ANKRD11: variants seen among roughly 807,000 people sequenced by gnomAD.
ANKRD11 encodes ankyrin repeat domain-containing protein 11.
A neutral mutation model predicts 195.7 loss-of-function variants in ANKRD11; 17 were observed. The ratio of observed to expected loss-of-function variants is 0.09; its 90% CI spans 0.06 to 0.13. The LOEUF is 0.13. ANKRD11 is among the 10% of genes least tolerant of loss of function. The pLI, the probability that ANKRD11 is intolerant of heterozygous loss-of-function variation, is 1.00. For synonymous variants in ANKRD11, 1,953 were observed against 1,528.1 expected (o/e 1.28, Z -6.49); for missense variants, 3,735 against 3,566.1 (o/e 1.05, Z -1.21).
intron 4 of ANKRD11, among the ~76,000 whole-genome samples, chr16:89,295,985 C>CTTGTTTTT (rs2035405870): frequency 2.2e-5 from 1 of 45,142 alleles, no homozygotes; most frequent in African/African-American, 1.1e-4. Context: ...ATCTGGCTGC[C>CTTGTTTTT]TTTTTTTTTT....
chr16:89,314,454 G>A (rs1303766715), intron 3 of ANKRD11, among the ~76,000 whole-genome samples: 2 of 152,140 alleles, frequency 1.3e-5, no homozygotes, highest in African/African-American at 4.8e-5. Flanking sequence ...AAGCAGCTGA[G>A]CGCACACATC....
intron 1 of ANKRD11, chr16:89,458,815 C>G (rs534676963): frequency 1.3e-5 from 2 of 152,340 alleles, no homozygotes; most frequent in Non-Finnish European, 2.9e-5. Flanking sequence ...CCTCAGCTTC[C>G]TGCTGCTGAC....
intron 3 of ANKRD11, among the ~76,000 whole-genome samples, chr16:89,315,127 C>T (rs994855975): frequency 6.6e-6 from 1 of 152,218 alleles, no homozygotes; most frequent in African/African-American, 2.4e-5. Flanking sequence ...CCACACCATA[C>T]ACGACCTCTT....
chr16:89,344,209 G>A (rs1264116047), intron 2 of ANKRD11, among the ~76,000 whole-genome samples: 3 of 152,160 alleles, frequency 2.0e-5, no homozygotes, highest in Non-Finnish European at 4.4e-5. Context: ...TCATCACTAG[G>A]GCTTAACGAT....
chr16:89,433,382 G>A (rs2043081021), intron 1 of ANKRD11, among the ~76,000 whole-genome samples: 2 of 152,222 alleles, frequency 1.3e-5, no homozygotes, highest in African/African-American at 4.8e-5. Flanking sequence ...TCCACTTCCT[G>A]ACAGCACAGG....
intron 1 of ANKRD11, among the ~76,000 whole-genome samples, chr16:89,442,235 G>T (rs1452010644): frequency 6.6e-6 from 1 of 152,202 alleles, no homozygotes; most frequent in African/African-American, 2.4e-5. Context: ...TGGAGAACAT[G>T]CCAGGTCATG....
At chr16:89,411,348 C>T (rs929242665) in intron 2 of ANKRD11, among the ~76,000 whole-genome samples, 8 of 152,214 alleles carry the variant, frequency 5.3e-5, no homozygotes, top group Non-Finnish European at 7.3e-5. Flanking sequence ...CTTGACTGCA[C>T]CGGAAGAGGA....
intron 1 of ANKRD11, among the ~76,000 whole-genome samples, chr16:89,475,914 T>C (rs1342563589): frequency 6.6e-6 from 1 of 151,882 alleles, no homozygotes; most frequent in Non-Finnish European, 1.5e-5. Flanking sequence ...TAACCAGGCG[T>C]GGTGGTGGGC....
intron 12 of ANKRD11, 116 bp from the exon 13 acceptor site, chr16:89,268,779 G>A: frequency 8.1e-7 from 1 of 1,231,786 alleles, no homozygotes; most frequent in Non-Finnish European, 1.1e-6. Flanking sequence ...ACCTACCCTG[G>A]TATGGGCCAG....
chr16:89,311,961 G>A (rs987466254), intron 3 of ANKRD11, among the ~76,000 whole-genome samples: 8 of 152,230 alleles, frequency 5.3e-5, no homozygotes, highest in Admixed American at 6.5e-5. Context: ...GCGGTGATGC[G>A]ATCTCAGCTC....
chr16:89,445,528 G>A (rs977752813), intron 1 of ANKRD11, among the ~76,000 whole-genome samples: 25 of 152,098 alleles, frequency 1.6e-4, no homozygotes, highest in African/African-American at 6.0e-4. Context: ...AGGATGATCC[G>A]TCCTCCAAAT....
At chr16:89,391,466 C>T (rs866161003) in intron 2 of ANKRD11, among the ~76,000 whole-genome samples, 1 of 152,210 alleles carries the variant, frequency 6.6e-6, no homozygotes, top group Non-Finnish European at 1.5e-5. Flanking sequence ...ACAGAACTGA[C>T]TGCCTCCCTG....
At position 89,290,791 on chromosome 16, in the gene ANKRD11, C is replaced by T; in HGVS notation, c.435G>A (p.Val145=). The change falls in exon 6 of 13, where the codon GTG becomes GTA. Residue 145 remains valine (V), a synonymous_variant. Transcript: ENST00000301030. ...CAGAGTTGGGCGTTCCCTTCTGACA[C>T]ACTGTAGACTGGGAGGGGTGCTTTG... ...TTPKHPSQST[V]CQKGTPNSAS... is the part of the protein sequence containing the mutation. 3 of 1,614,056 alleles carry T rather than the reference C, an allele frequency of 1.9e-6. No individual in the cohort carries two copies. Among genetic ancestry groups the T allele is most frequent in the South Asian group, 2.2e-5 (2 of 91,084 alleles).
chr16:89,406,385 A>G (rs564819252), intron 2 of ANKRD11, among the ~76,000 whole-genome samples: 3 of 152,316 alleles, frequency 2.0e-5, no homozygotes, highest in Non-Finnish European at 2.9e-5. Context: ...TGAGGGCGAC[A>G]AAACACCAGC....
intron 2 of ANKRD11, chr16:89,323,077 C>T (rs2037434432): frequency 9.7e-6 from 3 of 308,298 alleles, no homozygotes; most frequent in Admixed American, 4.4e-5. Context: ...GGATGCTTTA[C>T]GGCAACCCCT....
Position 89,490,370 on chromosome 16 carries a change from CG to C in ANKRD11, c.-271del, listed in dbSNP as rs2057789573. 2 of 161,896 alleles carry C rather than the reference CG, an allele frequency of 1.2e-5. No homozygotes were observed. The highest frequency in any genetic ancestry group is 4.9e-5 in the African/African-American group (2 of 41,120). 10.0% of individuals were successfully genotyped at this position (161,896 alleles called of 1,614,324 possible). A position where few individuals can be genotyped will look rare whatever the true frequency, so the allele number is the denominator to read the frequency against. On this transcript the variant is annotated 5_prime_UTR_variant, in exon 1 of 13. Transcript: ENST00000301030. The stretch of plus-strand genomic sequence containing the variant: ...CGGCAAGGCGGCGGCGGCGGCGGCG[CG>C]GGCTCGGGCCCGGCAGAGCTGCGAG...
At chr16:89,370,528 G>C (rs568117102) in intron 2 of ANKRD11, 2 of 152,544 alleles carry the variant, frequency 1.3e-5, no homozygotes, top group Non-Finnish European at 2.9e-5. Context: ...CCAGAGGCTG[G>C]AGCACACCTC....
rs548197959 is a variant in ANKRD11 at position 89,404,272 on chromosome 16, C to G, written c.-60+14012G>C. Among the ~76,000 whole-genome samples, 9 of 152,208 alleles carry G rather than the reference C, an allele frequency of 5.9e-5. No homozygotes were observed. In the South Asian group the frequency reaches 1.2e-3, roughly 21 times the overall value. ...AGTCTCCTATCCACCCTCACCAAGG[C>G]ACTAAATCACCAGCAAAGACTCTGA... is the stretch of plus-strand genomic sequence containing the variant. On this transcript the variant is annotated intron_variant, in intron 2 of 12. Transcript: ENST00000301030.
At position 89,432,236 on chromosome 16, in the gene ANKRD11, TACACACACAC is replaced by T. The variant is rs59807718; in HGVS notation, c.-144-13878_-144-13869del. On this transcript the variant is annotated intron_variant, in intron 1 of 12. Transcript: ENST00000301030. The stretch of plus-strand genomic sequence containing the variant: ...ATTCATGTTGTACATCGTGATGCAG[TACACACACAC>T]ACACACACACACACACACACACACA... Among the ~76,000 whole-genome samples, 748 of 142,938 alleles carry T rather than the reference TACACACACAC, an allele frequency of 5.2e-3. 4 individuals are homozygous for T. Among genetic ancestry groups the T allele is most frequent in the African/African-American group, 0.016 (598 of 38,292 alleles). The allele number at this position is 142,938 out of a possible 152,430, so 93.8% of individuals were successfully genotyped here.
Sources: allele counts gnomAD v4.1 joint callset (sites outside exome capture counted in the v4.1 genomes callset), GRCh38; gene constraint gnomAD v4.1.1; transcripts MANE v1.5; gene names NCBI Gene and HGNC (gene_info 2026-07-23, HGNC 2026-07-21).